KHDRBS2: variants seen among roughly 807,000 people sequenced by gnomAD.
The protein encoded by KHDRBS2 is KH domain-containing, RNA-binding, signal transduction-associated protein 2.
KHDRBS2 carries 26 observed loss-of-function variants against 44.3 expected under a neutral mutation model. The observed-to-expected ratio is 0.59, with a 90% CI of 0.43 to 0.81. The LOEUF (loss-of-function observed/expected upper bound fraction) is 0.81. Among genes scored for constraint, KHDRBS2 ranks in the 40% least tolerant of loss-of-function variants. The probability of loss-of-function intolerance (pLI) is 0.00; values close to 1 mark genes in which losing one functional copy is unlikely to be tolerated. For missense variants in KHDRBS2, 476 were observed against 433.1 expected, an observed-to-expected ratio of 1.10 and a Z score of -0.88; for synonymous variants, 194 against 151.1, an observed-to-expected ratio of 1.28 and a Z score of -2.08.
chr6:61,974,825 G>T lies in KHDRBS2; in HGVS notation c.483+3241C>A, dbSNP rs536228453. 1.5e-4 allele frequency among the ~76,000 whole-genome samples: 23 copies of T among 152,026 alleles called. No homozygotes were observed. In the South Asian group the frequency reaches 4.8e-3, roughly 32 times the overall value. On this transcript the variant is annotated intron_variant, in intron 4 of 8. Coordinates refer to ENST00000281156, the MANE Select transcript of KHDRBS2 (RefSeq NM_152688.4). ...ATGTGCCTGTAATCTCAGCTACTCG[G>T]GAGGCTGAGGCAGGAGAATCGCTTG... is the stretch of plus-strand genomic sequence containing the variant.
In KHDRBS2 at chr6:61,901,166, A is replaced by G; in HGVS notation, c.611+78T>C. 5 of 1,362,144 alleles carry G rather than the reference A, an allele frequency of 3.7e-6. No homozygotes were observed. In the South Asian group the frequency reaches 6.5e-5, roughly 18 times the overall value. The allele number at this position is 1,362,144 out of a possible 1,614,324, so 84.4% of individuals were successfully genotyped here. A position where few individuals can be genotyped will look rare whatever the true frequency, so the allele number is the denominator to read the frequency against. On this transcript the variant is annotated intron_variant, in intron 5 of 8. Coordinates refer to ENST00000281156, the MANE Select transcript of KHDRBS2 (RefSeq NM_152688.4). ...GTGGCTGATGTTGTTGTTTACTGCT[A>G]GTGATAATCATGACATAAAGCAGGA...
intron 3 of KHDRBS2, among the ~76,000 whole-genome samples, chr6:61,982,169 T>C (rs906902648): frequency 4.6e-5 from 7 of 152,108 alleles, no homozygotes; most frequent in Admixed American, 2.6e-4. Context: ...TTGTGAATTA[T>C]GTAATTTACC....
intron 4 of KHDRBS2, among the ~76,000 whole-genome samples, chr6:61,973,178 T>TC (rs1379238893): frequency 6.6e-6 from 1 of 152,154 alleles, no homozygotes; most frequent in South Asian, 2.1e-4. Context: ...TCACTTTTTC[T>TC]CAAATTATAG....
intron 2 of KHDRBS2, among the ~76,000 whole-genome samples, chr6:62,070,689 A>C (rs1189205420): frequency 6.6e-6 from 1 of 152,166 alleles, no homozygotes; most frequent in Non-Finnish European, 1.5e-5. Flanking sequence ...TTATGGCTGC[A>C]TAGTATTCCA....
chr6:61,988,063 A>G (rs555093868), intron 3 of KHDRBS2, among the ~76,000 whole-genome samples: 1 of 152,308 alleles, frequency 6.6e-6, no homozygotes, highest in African/African-American at 2.4e-5. Flanking sequence ...GCCAAACACA[A>G]GTGATTAGTG....
At chr6:61,941,395 C>T (rs572115800) in intron 4 of KHDRBS2, among the ~76,000 whole-genome samples, 1 of 152,204 alleles carries the variant, frequency 6.6e-6, no homozygotes, top group Non-Finnish European at 1.5e-5. Flanking sequence ...AACCTGCCCA[C>T]CCACCCGCTA....
intron 1 of KHDRBS2, among the ~76,000 whole-genome samples, chr6:62,182,507 T>C (rs116543175): frequency 7.3e-4 from 111 of 152,082 alleles, no homozygotes; most frequent in African/African-American, 2.5e-3. Flanking sequence ...ATGAAACTTT[T>C]TGAGGTGATA....
chr6:61,764,291 A>T (rs538437666), intron 6 of KHDRBS2, among the ~76,000 whole-genome samples: 43 of 152,284 alleles, frequency 2.8e-4, no homozygotes, highest in African/African-American at 9.6e-4. Flanking sequence ...TGCAGTGAAC[A>T]TATGTATATA....
At chr6:61,868,956 C>T (rs1190222000) in intron 6 of KHDRBS2, among the ~76,000 whole-genome samples, 2 of 152,172 alleles carry the variant, frequency 1.3e-5, no homozygotes, top group Non-Finnish European at 2.9e-5. Flanking sequence ...ATGTTGGACC[C>T]AAGGCCCTGG....
intron 4 of KHDRBS2, among the ~76,000 whole-genome samples, chr6:61,915,500 A>G (rs1689198498): frequency 6.6e-6 from 1 of 151,988 alleles, no homozygotes; most frequent in Non-Finnish European, 1.5e-5. Context: ...TTATTGTCCT[A>G]TAGTAGAATC....
intron 2 of KHDRBS2, among the ~76,000 whole-genome samples, chr6:62,113,524 T>C (rs764818202): frequency 3.9e-5 from 6 of 152,100 alleles, no homozygotes; most frequent in African/African-American, 1.4e-4. Flanking sequence ...GAGAGAAACA[T>C]GGCAAGTGAT....
intron 6 of KHDRBS2, among the ~76,000 whole-genome samples, chr6:61,875,853 C>T (rs887351787): frequency 6.6e-5 from 10 of 151,826 alleles, no homozygotes; most frequent in African/African-American, 1.9e-4. Flanking sequence ...GTTATAATTA[C>T]CCTCTTATAT....
In KHDRBS2 at chr6:62,086,372, A is replaced by G. The variant is rs549149978; in HGVS notation, c.220-38378T>C. 1.1e-4 allele frequency among the ~76,000 whole-genome samples: 16 copies of G among 152,302 alleles called. No individual in the cohort carries two copies. The East Asian group carries it at 2.3e-3, about 22-fold the overall frequency. ...AGAAAGACTTGAAGCTTTGATAGCTATAAAAAATATTTAATTAAGCAAGAC... is the reference window on the plus strand; with the variant it reads ...AGAAAGACTTGAAGCTTTGATAGCTGTAAAAAATATTTAATTAAGCAAGAC... On this transcript the variant is annotated intron_variant, in intron 2 of 8. Coordinates refer to ENST00000281156, the MANE Select transcript of KHDRBS2 (RefSeq NM_152688.4).
intron 2 of KHDRBS2, among the ~76,000 whole-genome samples, chr6:62,071,826 T>G (rs1173803775): frequency 6.6e-6 from 1 of 152,206 alleles, no homozygotes; most frequent in Admixed American, 6.5e-5. Flanking sequence ...CAATGCGGGC[T>G]CTTTTTTTGT....
intron 6 of KHDRBS2, among the ~76,000 whole-genome samples, chr6:61,885,562 G>A (rs2127322053): frequency 6.6e-6 from 1 of 152,190 alleles, no homozygotes; most frequent in Non-Finnish European, 1.5e-5. Context: ...AGTATTCCTG[G>A]AAATATTTAT....
At chr6:61,931,447 C>T (rs1434971494) in intron 4 of KHDRBS2, among the ~76,000 whole-genome samples, 1 of 151,882 alleles carries the variant, frequency 6.6e-6, no homozygotes, top group African/African-American at 2.4e-5. Context: ...TATATACATA[C>T]ACACATATAT....
At chr6:61,917,602 C>T (rs1455940866) in intron 4 of KHDRBS2, among the ~76,000 whole-genome samples, 1 of 151,766 alleles carries the variant, frequency 6.6e-6, no homozygotes, top group Non-Finnish European at 1.5e-5. Context: ...AAAGAATGTA[C>T]AACATTCACA....
chr6:61,777,234 C>T (rs1351930686), intron 6 of KHDRBS2, among the ~76,000 whole-genome samples: 1 of 152,080 alleles, frequency 6.6e-6, no homozygotes, highest in East Asian at 1.9e-4. Context: ...CACATGTATA[C>T]ATATGTAACA....
intron 2 of KHDRBS2, among the ~76,000 whole-genome samples, chr6:62,060,627 C>CTATA (rs1364800677): frequency 8.0e-5 from 12 of 149,634 alleles, no homozygotes; most frequent in African/African-American, 1.2e-4. Flanking sequence ...CTCTCTCTCT[C>CTATA]TCTCTCTATA....
Sources: allele counts gnomAD v4.1 joint callset (sites outside exome capture counted in the v4.1 genomes callset), GRCh38; gene constraint gnomAD v4.1.1; transcripts MANE v1.5; gene names NCBI Gene and HGNC (gene_info 2026-07-23, HGNC 2026-07-21).